PCDHGA2: variants seen among roughly 807,000 people sequenced by gnomAD.
PCDHGA2 encodes the protein protocadherin gamma-A2.
Under a neutral mutation model 59.2 loss-of-function variants are expected in PCDHGA2, and 40 were observed. The observed-to-expected ratio is 0.68, with a 90% CI of 0.52 to 0.88. The LOEUF (loss-of-function observed/expected upper bound fraction) is 0.88. PCDHGA2 is among the 40% of genes least tolerant of loss of function. PCDHGA2 has a pLI of 0.00. For missense variants in PCDHGA2, 1,226 were observed against 1,204.0 expected (o/e 1.02, Z -0.27); for synonymous variants, 560 against 526.0 (o/e 1.06, Z -0.89).
chr5:141,364,645 C>T (rs1036042236), intron 1 of PCDHGA2: 2 of 1,613,960 alleles, frequency 1.2e-6, no homozygotes, highest in African/African-American at 2.7e-5. Context: ...GTGTGGTGAA[C>T]TTTAACATCT....
At chr5:141,403,773 AC>A (rs2094454199) in intron 1 of PCDHGA2, 1 of 1,613,838 alleles carries the variant, frequency 6.2e-7, no homozygotes, top group South Asian at 1.1e-5. Flanking sequence ...GAGGGAATCA[AC>A]GGAAAAGTGG....
chr5:141,455,343 G>T (rs1462807460), intron 1 of PCDHGA2, among the ~76,000 whole-genome samples: 1 of 152,036 alleles, frequency 6.6e-6, no homozygotes, highest in Non-Finnish European at 1.5e-5. Flanking sequence ...TTTAAGGAGC[G>T]GAGAGTTTAA....
At chr5:141,366,224 C>T in intron 1 of PCDHGA2, 1 of 1,613,840 alleles carries the variant, frequency 6.2e-7, no homozygotes, top group East Asian at 2.2e-5. Context: ...AGCGCGAGCC[C>T]TGCTGGACAG....
At chr5:141,500,369 C>T (rs1034629981) in intron 2 of PCDHGA2, among the ~76,000 whole-genome samples, 4 of 151,866 alleles carry the variant, frequency 2.6e-5, no homozygotes, top group Admixed American at 6.6e-5. Flanking sequence ...CTACCACGCC[C>T]GGCTAATTAT....
At chr5:141,369,943 A>G (rs1183061731) in intron 1 of PCDHGA2, among the ~76,000 whole-genome samples, 2 of 152,250 alleles carry the variant, frequency 1.3e-5, no homozygotes, top group African/African-American at 4.8e-5. Flanking sequence ...ATTGAGCAAG[A>G]TTATCTCTGC....
chr5:141,465,313 T>C (rs113508011), intron 1 of PCDHGA2, among the ~76,000 whole-genome samples: 5 of 152,312 alleles, frequency 3.3e-5, no homozygotes, highest in Admixed American at 6.5e-5. Context: ...AATTTAGCCA[T>C]GTCAATGCAG....
chr5:141,424,391 C>T (rs2096818270), intron 1 of PCDHGA2: 1 of 152,106 alleles, frequency 6.6e-6, no homozygotes, highest in South Asian at 2.1e-4. Flanking sequence ...GATGTCTTTT[C>T]CATTACTATG....
At chr5:141,422,166 T>A (rs370704205) in intron 1 of PCDHGA2, 1 of 1,569,256 alleles carries the variant, frequency 6.4e-7, no homozygotes, top group African/African-American at 1.4e-5. Context: ...TTGAAAAATA[T>A]AGATTCTATG....
chr5:141,448,639 T>A (rs1248697237), intron 1 of PCDHGA2, among the ~76,000 whole-genome samples: 1 of 152,148 alleles, frequency 6.6e-6, no homozygotes, highest in Admixed American at 6.6e-5. Flanking sequence ...CATTATATCC[T>A]TTAAAAATAT....
chr5:141,404,919 C>T, intron 1 of PCDHGA2: 1 of 1,613,924 alleles, frequency 6.2e-7, no homozygotes, highest in Non-Finnish European at 8.5e-7. Context: ...CCTCTCTCGG[C>T]CACTGTCACG....
chr5:141,478,553 T>C, intron 1 of PCDHGA2: 1 of 1,602,704 alleles, frequency 6.2e-7, no homozygotes. Context: ...ACAGGTAAGG[T>C]TTAGCAAGTC....
At chr5:141,484,950 T>G in intron 1 of PCDHGA2, 1 of 561,950 alleles carries the variant, frequency 1.8e-6, no homozygotes, top group Non-Finnish European at 3.2e-6. Context: ...GCTCAGCCTA[T>G]TGGCTGAGCC....
chr5:141,396,951 A>G (rs1444720599), intron 1 of PCDHGA2, among the ~76,000 whole-genome samples: 1 of 152,210 alleles, frequency 6.6e-6, no homozygotes, highest in African/African-American at 2.4e-5. Flanking sequence ...TAGGAAAGAA[A>G]ATCCTTACTC....
intron 1 of PCDHGA2, chr5:141,394,616 C>G: frequency 6.2e-7 from 1 of 1,613,490 alleles, no homozygotes; most frequent in Non-Finnish European, 8.5e-7. Flanking sequence ...CGGGCCAGAA[C>G]GCCTGGCTGT....
chr5:141,371,361 G>C, intron 1 of PCDHGA2: 1 of 1,613,976 alleles, frequency 6.2e-7, no homozygotes, highest in Non-Finnish European at 8.5e-7. Context: ...GGAAGCAAAG[G>C]ATGGTGGACA....
chr5:141,362,761 A>G (rs1352755574), intron 1 of PCDHGA2: 3 of 639,654 alleles, frequency 4.7e-6, no homozygotes, highest in Non-Finnish European at 7.9e-6. Flanking sequence ...CCTTTATCAC[A>G]TGAGATATTG....
chr5:141,340,228 C>A lies in PCDHGA2; in HGVS notation c.1257C>A (p.Asn419Lys), dbSNP rs779808377. 6.2e-7 allele frequency: 1 copy of A among 1,614,190 alleles called. No individual in the cohort carries two copies. The highest frequency in any genetic ancestry group is 1.1e-5 in the South Asian group (1 of 91,078). ...ALDREQFSFY[N>K]ITLTAKDGGN... Reference sequence around the variant, plus strand: ...ACAGGGAACAGTTTTCCTTTTACAACATCACTCTAACCGCTAAAGATGGAG... The same window carrying A: ...ACAGGGAACAGTTTTCCTTTTACAAAATCACTCTAACCGCTAAAGATGGAG... Residue 419 changes from asparagine (N) to lysine (K), a missense_variant, in exon 1 of 4, where the codon AAC (asparagine) becomes AAA (lysine). Coordinates refer to ENST00000394576, the MANE Select transcript of PCDHGA2 (RefSeq NM_018915.4).
chr5:141,474,628 A>C (rs1169097645), intron 1 of PCDHGA2, among the ~76,000 whole-genome samples: 1 of 152,234 alleles, frequency 6.6e-6, no homozygotes, highest in Non-Finnish European at 1.5e-5. Flanking sequence ...TCTCTTCCGG[A>C]AATATCCTAT....
chr5:141,382,956 C>G (rs373364562), intron 1 of PCDHGA2: 1 of 1,606,182 alleles, frequency 6.2e-7, no homozygotes, highest in Non-Finnish European at 8.5e-7. Flanking sequence ...TCTCCATCCT[C>G]CTGGGGACCC....
Sources: allele counts gnomAD v4.1 joint callset (sites outside exome capture counted in the v4.1 genomes callset), GRCh38; gene constraint gnomAD v4.1.1; transcripts MANE v1.5; gene names NCBI Gene and HGNC (gene_info 2026-07-23, HGNC 2026-07-21).